The following NXPH1 variants were observed in gnomAD, a reference collection of about 807,000 sequenced individuals.
NXPH1 encodes the protein neurexophilin 1.
Under a neutral mutation model 23.7 loss-of-function variants are expected in NXPH1, and 5 were observed. The ratio of observed to expected loss-of-function variants is 0.21; its 90% CI spans 0.11 to 0.44. The LOEUF (loss-of-function observed/expected upper bound fraction) is 0.44. Ranked by LOEUF, NXPH1 falls within the 20% of genes least tolerant of loss-of-function variation. The pLI, the probability that NXPH1 is intolerant of heterozygous loss-of-function variation, is 0.99. For missense variants in NXPH1, 324 were observed against 321.6 expected, an observed-to-expected ratio of 1.01 and a Z score of -0.06; for synonymous variants, 144 against 122.2, an observed-to-expected ratio of 1.18 and a Z score of -1.18.
intron 2 of NXPH1, among the ~76,000 whole-genome samples, chr7:8,734,623 A>G (rs960210949): frequency 1.3e-5 from 2 of 152,134 alleles, no homozygotes; most frequent in Non-Finnish European, 2.9e-5. Flanking sequence ...TATGTGGTCA[A>G]TTTTAGAATA....
chr7:8,507,923 G>A (rs969913067), intron 2 of NXPH1, among the ~76,000 whole-genome samples: 6 of 152,052 alleles, frequency 3.9e-5, no homozygotes, highest in South Asian at 2.1e-4. Context: ...TGAAGTAGAC[G>A]GTCAGTCAAT....
rs544517944 is a variant in NXPH1 at position 8,459,920 on chromosome 7, A to G, written c.54+24153A>G. ...AATAAAAGCAAACACGAGTTATATG[A>G]AACATGGGTGCTTAGCCAAACTGAG... On this transcript the variant is annotated intron_variant, in intron 2 of 2. Coordinates refer to ENST00000405863, the MANE Select transcript of NXPH1 (RefSeq NM_152745.3). Among the ~76,000 whole-genome samples, 10 of 152,336 alleles carry G rather than the reference A, an allele frequency of 6.6e-5. No individual in the cohort carries two copies. In the South Asian group the frequency reaches 2.1e-3, roughly 32 times the overall value.
At chr7:8,567,943 C>T (rs950844222) in intron 2 of NXPH1, among the ~76,000 whole-genome samples, 1 of 152,024 alleles carries the variant, frequency 6.6e-6, no homozygotes, top group East Asian at 1.9e-4. Flanking sequence ...AAATCAAGTC[C>T]AACCCCTTTA....
intron 2 of NXPH1, among the ~76,000 whole-genome samples, chr7:8,575,659 G>A (rs910354029): frequency 4.2e-4 from 64 of 152,036 alleles, no homozygotes; most frequent in African/African-American, 1.5e-3. Context: ...ATAGGCCTAT[G>A]CACTTAATAT....
intron 2 of NXPH1, among the ~76,000 whole-genome samples, chr7:8,551,947 C>G (rs17151046): frequency 0.018 from 2,702 of 151,318 alleles, 95 homozygotes; most frequent in African/African-American, 0.062. Context: ...ATTTTTTGAA[C>G]GTTTTTTCCC....
rs139704636 is a variant in NXPH1 at position 8,459,781 on chromosome 7, T to C, written c.54+24014T>C. ...GTAGATATAAAATCCCATTATGAAG[T>C]CTGCATGTCTGTAAAGAATATGACA... On this transcript the variant is annotated intron_variant, in intron 2 of 2. Transcript: ENST00000405863. Among the ~76,000 whole-genome samples, 1,006 of 152,250 alleles carry C rather than the reference T, an allele frequency of 6.6e-3. 43 individuals are homozygous for C. Among genetic ancestry groups the C allele is most frequent in the Non-Finnish European group, 1.4e-3 (93 of 67,998 alleles).
chr7:8,743,229 A>G (rs1780396434), intron 2 of NXPH1, among the ~76,000 whole-genome samples: 1 of 152,188 alleles, frequency 6.6e-6, no homozygotes, highest in African/African-American at 2.4e-5. Flanking sequence ...TTGGTGAAAT[A>G]AATATAAATT....
chr7:8,684,244 G>C (rs1406834350), intron 2 of NXPH1, among the ~76,000 whole-genome samples: 1 of 152,138 alleles, frequency 6.6e-6, no homozygotes, highest in East Asian at 1.9e-4. Context: ...CTGCCCGTGA[G>C]GCACCTTTGC....
chr7:8,451,937 A>G (rs532636105), intron 2 of NXPH1, among the ~76,000 whole-genome samples: 6 of 152,322 alleles, frequency 3.9e-5, no homozygotes, highest in African/African-American at 1.2e-4. Flanking sequence ...TCACCATGGT[A>G]TGTCTCATGG....
intron 2 of NXPH1, among the ~76,000 whole-genome samples, chr7:8,683,486 G>C (rs1821089893): frequency 6.6e-6 from 1 of 152,116 alleles, no homozygotes; most frequent in African/African-American, 2.4e-5. Context: ...TTCTTACACA[G>C]GAATGGGTCA....
intron 2 of NXPH1, among the ~76,000 whole-genome samples, chr7:8,744,408 G>T (rs111554559): frequency 2.6e-5 from 4 of 152,100 alleles, no homozygotes; most frequent in African/African-American, 7.2e-5. Flanking sequence ...TTGGTTTTTT[G>T]TTTGTTTGTT....
chr7:8,734,513 A>G (rs978413897), intron 2 of NXPH1, among the ~76,000 whole-genome samples: 29 of 152,200 alleles, frequency 1.9e-4, no homozygotes, highest in African/African-American at 7.0e-4. Flanking sequence ...TGAGCATGGA[A>G]TGTTTTTCCC....
intron 2 of NXPH1, among the ~76,000 whole-genome samples, chr7:8,500,623 C>G (rs1817415735): frequency 6.6e-6 from 1 of 152,092 alleles, no homozygotes; most frequent in African/African-American, 2.4e-5. Flanking sequence ...ATTATCTAGA[C>G]TGCTCAGGGT....
At chr7:8,742,819 G>C (rs1205972077) in intron 2 of NXPH1, among the ~76,000 whole-genome samples, 2 of 151,968 alleles carry the variant, frequency 1.3e-5, no homozygotes, top group Non-Finnish European at 2.9e-5. Context: ...TATTGAAATG[G>C]CTTTTAAAAA....
intron 2 of NXPH1, among the ~76,000 whole-genome samples, chr7:8,710,894 C>G (rs1779783828): frequency 8.7e-6 from 1 of 114,494 alleles, no homozygotes; most frequent in Admixed American, 8.2e-5. Context: ...GATCTCCTGA[C>G]CTCATGATCC....
chr7:8,685,602 C>T (rs997347504), intron 2 of NXPH1, among the ~76,000 whole-genome samples: 3 of 152,078 alleles, frequency 2.0e-5, no homozygotes, highest in Non-Finnish European at 2.9e-5. Flanking sequence ...ATGCTGATTT[C>T]CTTTCTTTTG....
At chr7:8,486,459 A>C (rs1418487145) in intron 2 of NXPH1, among the ~76,000 whole-genome samples, 1 of 152,172 alleles carries the variant, frequency 6.6e-6, no homozygotes, top group Non-Finnish European at 1.5e-5. Flanking sequence ...TTTGGAAAGG[A>C]AGGAGTATTC....
rs145905691 is a variant in NXPH1, at chr7:8,598,955, G to A, written c.55-152053G>A. Among the ~76,000 whole-genome samples the A allele has an allele frequency of 1.3e-3, 194 of 152,134 alleles. 1 individual carries two copies. Among genetic ancestry groups the A allele is most frequent in the Middle Eastern group, 0.01 (3 of 294 alleles). ...GTGTCTCTTTGAGACATTTCAATTT[G>A]TTCATTTATTCATCCAAACTTTTAT... On this transcript the variant is annotated intron_variant, in intron 2 of 2. Coordinates refer to ENST00000405863, the MANE Select transcript of NXPH1 (RefSeq NM_152745.3).
rs773341721 is a variant in NXPH1 at position 8,644,334 on chromosome 7, T to A, written c.55-106674T>A. 3.3e-5 allele frequency among the ~76,000 whole-genome samples: 5 copies of A among 152,344 alleles called. No individual in the cohort carries two copies. In the South Asian group the frequency reaches 6.2e-4, roughly 19 times the overall value. On this transcript the variant is annotated intron_variant, in intron 2 of 2. Transcript: ENST00000405863. ...TTAATTGTACCCATGAATGTCCTGC[T>A]GTTTGAATTTGCTGACTCTGAGCTT...
Sources: allele counts gnomAD v4.1 joint callset (sites outside exome capture counted in the v4.1 genomes callset), GRCh38; gene constraint gnomAD v4.1.1; transcripts MANE v1.5; gene names NCBI Gene and HGNC (gene_info 2026-07-23, HGNC 2026-07-21).